The following CCSER2 variants were observed in gnomAD, a reference collection of about 807,000 sequenced individuals.
CCSER2 encodes serine-rich coiled-coil domain-containing protein 2.
CCSER2 carries 46 observed loss-of-function variants against 92.3 expected under a neutral mutation model. The ratio of observed to expected loss-of-function variants is 0.50; its 90% CI spans 0.39 to 0.64. The LOEUF is 0.64. Ranked by LOEUF, CCSER2 falls within the 30% of genes least tolerant of loss-of-function variation. CCSER2 has a pLI of 0.00. For missense variants in CCSER2, 1,244 were observed against 1,238.9 expected (o/e 1.00, Z -0.06); for synonymous variants, 433 against 431.4 (o/e 1.00, Z -0.04).
intron 1 of CCSER2, among the ~76,000 whole-genome samples, chr10:84,340,853 G>C (rs1254395779): frequency 6.6e-6 from 1 of 151,934 alleles, no homozygotes; most frequent in Admixed American, 6.6e-5. Flanking sequence ...GCCACTTCCT[G>C]TGTTCCCGAC....
At chr10:84,480,770 G>T (rs1188793) in intron 9 of CCSER2, among the ~76,000 whole-genome samples, 129,897 of 152,232 alleles carry the variant, frequency 0.85, 55,497 homozygotes, top group East Asian at 0.9. Context: ...TTCCAGCCTT[G>T]TTTGGTGTTG....
intron 1 of CCSER2, among the ~76,000 whole-genome samples, chr10:84,340,338 C>T (rs954779777): frequency 1.2e-4 from 18 of 152,072 alleles, no homozygotes; most frequent in Admixed American, 1.1e-3. Context: ...TGCTCTCTTG[C>T]CCCCACTTAT....
intron 9 of CCSER2, among the ~76,000 whole-genome samples, chr10:84,485,310 T>C (rs1239249775): frequency 6.6e-6 from 1 of 152,218 alleles, no homozygotes; most frequent in Non-Finnish European, 1.5e-5. Context: ...ATTTAAGGTA[T>C]AGAACTATTG....
chr10:84,357,451 GT>G (rs11325480), intron 1 of CCSER2, among the ~76,000 whole-genome samples: 68,247 of 114,986 alleles, frequency 0.59, 16,414 homozygotes, highest in East Asian at 0.68. Flanking sequence ...ATATTTTTGT[GT>G]TTTTTTTTTT....
At chr10:84,405,393 C>T (rs778475116) in intron 3 of CCSER2, among the ~76,000 whole-genome samples, 4 of 150,638 alleles carry the variant, frequency 2.7e-5, no homozygotes, top group Non-Finnish European at 5.9e-5. Flanking sequence ...ATACTATGAC[C>T]TGGAGATTAG....
intron 1 of CCSER2, among the ~76,000 whole-genome samples, chr10:84,369,808 A>G (rs1845969855): frequency 6.6e-6 from 1 of 152,230 alleles, no homozygotes; most frequent in Middle Eastern, 3.4e-3. Flanking sequence ...TCTTAAATCC[A>G]TCTTGGTTGA....
chr10:84,374,083 G>A lies in CCSER2; in HGVS notation c.1614+268G>A, dbSNP rs961940009. 3 of 730,720 alleles carry A rather than the reference G, an allele frequency of 4.1e-6. No individual in the cohort carries two copies. In the African/African-American group the frequency reaches 5.3e-5, roughly 13 times the overall value. 45.3% of individuals were successfully genotyped at this position (730,720 alleles called of 1,614,324 possible). A position where few individuals can be genotyped will look rare whatever the true frequency, so the allele number is the denominator to read the frequency against. On this transcript the variant is annotated intron_variant, in intron 3 of 9. Coordinates refer to ENST00000372088, the MANE Select transcript of CCSER2 (RefSeq NM_001284240.2). ...ATACTATATTAGTAGTTTAATCTATGCCAGTGGTTCTCAAAGACTGGGGGA... is the reference window on the plus strand; with the variant it reads ...ATACTATATTAGTAGTTTAATCTATACCAGTGGTTCTCAAAGACTGGGGGA...
chr10:84,383,032 T>C (rs112099722), intron 3 of CCSER2, among the ~76,000 whole-genome samples: 16 of 152,364 alleles, frequency 1.1e-4, no homozygotes, highest in African/African-American at 3.8e-4. Context: ...GAGATTTAAA[T>C]GTCTGCTGAA....
At chr10:84,435,563 T>G (rs1422363729) in intron 5 of CCSER2, among the ~76,000 whole-genome samples, 1 of 150,418 alleles carries the variant, frequency 6.6e-6, no homozygotes, top group East Asian at 1.9e-4. Context: ...AGCTACAGAA[T>G]TTTAGAATCT....
At chr10:84,391,703 C>T (rs554519663) in intron 3 of CCSER2, 9 of 1,514,390 alleles carry the variant, frequency 5.9e-6, no homozygotes, top group African/African-American at 1.4e-5. Context: ...AACGATTGGT[C>T]GTCTTGGTTA....
rs151074324 is a variant in CCSER2, at chr10:84,449,802, G to A, written c.2064+11095G>A. On this transcript the variant is annotated intron_variant, in intron 6 of 9. Transcript: ENST00000372088. ...GCAGAGGTTGCGGTGAGCTGAGATC[G>A]CGCCATTGCACTCCAGCCTGGGCAA... 6.1e-3 allele frequency among the ~76,000 whole-genome samples: 917 copies of A among 151,280 alleles called. 4 individuals carry two copies. Among genetic ancestry groups the A allele is most frequent in the African/African-American group, 0.021 (869 of 41,248 alleles).
At chr10:84,428,364 A>T (rs867620667) in intron 5 of CCSER2, among the ~76,000 whole-genome samples, 26 of 152,278 alleles carry the variant, frequency 1.7e-4, no homozygotes, top group Middle Eastern at 3.4e-3. Context: ...CTCCTATGAG[A>T]ATCTAATGCT....
intron 3 of CCSER2, chr10:84,391,855 G>T: frequency 6.7e-7 from 1 of 1,482,990 alleles, no homozygotes; most frequent in South Asian, 1.1e-5. Context: ...TCCCAGTAGT[G>T]TAATCCAAGA....
At chr10:84,488,142 C>T (rs1589796547) in intron 9 of CCSER2, among the ~76,000 whole-genome samples, 1 of 152,088 alleles carries the variant, frequency 6.6e-6, no homozygotes, top group East Asian at 1.9e-4. Context: ...TTTGGTTTGC[C>T]AGTGTTTTAT....
intron 4 of CCSER2, among the ~76,000 whole-genome samples, chr10:84,420,440 A>G (rs912620755): frequency 6.6e-6 from 1 of 152,296 alleles, no homozygotes; most frequent in Non-Finnish European, 1.5e-5. Flanking sequence ...GTTTGGTACT[A>G]TAGGAAAGTG....
intron 1 of CCSER2, among the ~76,000 whole-genome samples, chr10:84,349,368 A>G (rs547584350): frequency 2.7e-4 from 41 of 152,172 alleles, no homozygotes; most frequent in African/African-American, 8.2e-4. Flanking sequence ...TCTCTCCCCT[A>G]TATATCTTGA....
At chr10:84,468,128 G>A (rs1589749064) in intron 7 of CCSER2, among the ~76,000 whole-genome samples, 1 of 152,084 alleles carries the variant, frequency 6.6e-6, no homozygotes, top group Admixed American at 6.6e-5. Context: ...GTGCAACAGC[G>A]ACACTGCTTA....
intron 3 of CCSER2, among the ~76,000 whole-genome samples, chr10:84,412,468 T>G (rs1210853430): frequency 6.6e-6 from 1 of 152,114 alleles, no homozygotes; most frequent in Non-Finnish European, 1.5e-5. Context: ...CTGGCTCAAT[T>G]TTAGAGCTCG....
At chr10:84,374,165 TC>T (rs1349196673) in intron 3 of CCSER2, among the ~76,000 whole-genome samples, 1 of 152,040 alleles carries the variant, frequency 6.6e-6, no homozygotes, top group Non-Finnish European at 1.5e-5. Flanking sequence ...CTTCTTGGCA[TC>T]TAGTGGGTAG....
Sources: gnomAD v4.1 joint callset for allele counts (sites outside exome capture counted in the v4.1 genomes callset) on GRCh38, gnomAD v4.1.1 for gene constraint, MANE v1.5 for transcripts, NCBI Gene and HGNC (gene_info 2026-07-23, HGNC 2026-07-21) for gene names.